The following VSTM4 variants were observed in gnomAD, a reference collection of about 807,000 sequenced individuals.
VSTM4 encodes V-set and transmembrane domain-containing protein 4.
In VSTM4, 20 loss-of-function variants were observed where a neutral mutation model predicts 36.4. That is an observed-to-expected ratio of 0.55 (90% CI 0.39 to 0.80). The LOEUF is 0.80. Ranked by LOEUF, VSTM4 falls within the 30% of genes least tolerant of loss-of-function variation. The pLI, the probability that VSTM4 is intolerant of heterozygous loss-of-function variation, is 0.00. For synonymous variants in VSTM4, 182 were observed against 173.9 expected, an observed-to-expected ratio of 1.05 and a Z score of -0.37; for missense variants, 392 against 404.5, an observed-to-expected ratio of 0.97 and a Z score of 0.26.
intron 5 of VSTM4, among the ~76,000 whole-genome samples, chr10:49,055,740 G>A (rs1033803133): frequency 2.6e-5 from 4 of 152,248 alleles, no homozygotes; most frequent in African/African-American, 9.6e-5. Flanking sequence ...CAAGATGGAT[G>A]AATGGTGCCA....
At position 49,019,410 on chromosome 10, in the gene VSTM4, C is replaced by T. The variant is rs543354598; in HGVS notation, c.*240G>A. 9.2e-5 allele frequency: 33 copies of T among 359,132 alleles called. No homozygotes were observed. Among genetic ancestry groups the T allele is most frequent in the South Asian group, 4.2e-4 (3 of 7,202 alleles). The allele number at this position is 359,132 out of a possible 1,614,324, so 22.2% of individuals were successfully genotyped here. A position where few individuals can be genotyped will look rare whatever the true frequency, so the allele number is the denominator to read the frequency against. Reference sequence around the variant, plus strand: ...GCTGCTCTCAGGATCAGAATCCTTACGCTCAGGGCTCAAACCCAGGCGCAT... The same window carrying T: ...GCTGCTCTCAGGATCAGAATCCTTATGCTCAGGGCTCAAACCCAGGCGCAT... On this transcript the variant is annotated 3_prime_UTR_variant, in exon 8 of 8. Coordinates refer to ENST00000332853, the MANE Select transcript of VSTM4 (RefSeq NM_001031746.5).
chr10:49,108,891 C>T (rs1300844707), intron 1 of VSTM4, among the ~76,000 whole-genome samples: 1 of 152,156 alleles, frequency 6.6e-6, no homozygotes. Context: ...GAGAGGCCGA[C>T]TGCTGAAGTC....
At chr10:49,082,954 C>A (rs1844306578) in intron 3 of VSTM4, among the ~76,000 whole-genome samples, 1 of 152,198 alleles carries the variant, frequency 6.6e-6, no homozygotes, top group African/African-American at 2.4e-5. Context: ...CAGCTCCCGC[C>A]CTCCCAAACA....
At position 49,047,029 on chromosome 10, in the gene VSTM4, G is replaced by A. The variant is rs769295438; in HGVS notation, c.791C>T (p.Thr264Met). ...TTTCAGCAGCTTCGGTTTATGGAAC[G>A]TGGGGGCTATCGGAGCTGTGGAAGT... ...AVPAKAPIAP[T>M]FHKPKLLKPQ... The change falls in exon 7 of 8, where the codon ACG becomes ATG. Residue 264 changes from threonine to methionine, a missense_variant. By Grantham distance (81) the Thr-to-Met change is moderately conservative (BLOSUM62 -1). Coordinates refer to ENST00000332853, the MANE Select transcript of VSTM4 (RefSeq NM_001031746.5). The A allele has an allele frequency of 2.0e-5, 33 of 1,614,056 alleles. No individual in the cohort carries two copies. Among genetic ancestry groups the A allele is most frequent in the Admixed American group, 3.3e-5 (2 of 60,000 alleles).
chr10:49,114,032 G>A (rs963407494), intron 1 of VSTM4, among the ~76,000 whole-genome samples: 5 of 152,142 alleles, frequency 3.3e-5, no homozygotes, highest in African/African-American at 1.2e-4. Context: ...GCAATTAGAA[G>A]GTGGTCATGG....
At chr10:49,106,497 G>A (rs1844785143) in intron 2 of VSTM4, among the ~76,000 whole-genome samples, 1 of 152,236 alleles carries the variant, frequency 6.6e-6, no homozygotes, top group South Asian at 2.1e-4. Flanking sequence ...AGATGTTGCA[G>A]AAATGCTGTC....
At chr10:49,096,134 T>A (rs1564592994) in intron 2 of VSTM4, among the ~76,000 whole-genome samples, 1 of 152,208 alleles carries the variant, frequency 6.6e-6, no homozygotes, top group East Asian at 1.9e-4. Context: ...GTTTAGTAAA[T>A]CTCATTCCTC....
chr10:49,102,658 G>C, intron 2 of VSTM4: 4 of 985,310 alleles, frequency 4.1e-6, no homozygotes, highest in Non-Finnish European at 4.8e-6. Flanking sequence ...AATAGGTCAA[G>C]GGAAAGAGAG....
chr10:49,015,022 A>C lies in VSTM4; in HGVS notation c.*4628T>G, dbSNP rs1024794792. ...AACAGTTTACATCCTTGTCACTCAA[A>C]GTGTGGTTCAGGGACCAGAAGCATG... On this transcript the variant is annotated 3_prime_UTR_variant, in exon 8 of 8. Transcript: ENST00000332853. 2 of 152,214 alleles carry C rather than the reference A, an allele frequency of 1.3e-5. No homozygotes were observed. The highest frequency in any genetic ancestry group is 2.4e-5 in the African/African-American group (1 of 41,402). 9.4% of individuals were successfully genotyped at this position (152,214 alleles called of 1,614,324 possible).
At chr10:49,045,202 T>TTC (rs55748405) in intron 7 of VSTM4, among the ~76,000 whole-genome samples, 87,618 of 148,422 alleles carry the variant, frequency 0.59, 27,443 homozygotes, top group Middle Eastern at 0.74. Flanking sequence ...CAGTCTTTCT[T>TTC]TCTCTCTCTC....
At chr10:49,036,031 G>C (rs914211858) in intron 7 of VSTM4, among the ~76,000 whole-genome samples, 21 of 152,078 alleles carry the variant, frequency 1.4e-4, no homozygotes, top group African/African-American at 4.6e-4. Flanking sequence ...TGGCCTGCAG[G>C]GAAAAGACAG....
intron 2 of VSTM4, 56 bp downstream of exon 2, chr10:49,107,538 G>T: frequency 2.0e-6 from 3 of 1,535,986 alleles, no homozygotes; most frequent in Non-Finnish European, 2.6e-6. Context: ...GCTGCAAAGG[G>T]GGGCCTACTG....
At chr10:49,081,802 A>G (rs1175608394) in intron 3 of VSTM4, among the ~76,000 whole-genome samples, 1 of 152,222 alleles carries the variant, frequency 6.6e-6, no homozygotes, top group Non-Finnish European at 1.5e-5. Context: ...AAGACCGGTC[A>G]TGGCCACTCT....
chr10:49,090,204 T>C (rs1470560835), intron 2 of VSTM4, among the ~76,000 whole-genome samples: 1 of 152,226 alleles, frequency 6.6e-6, no homozygotes, highest in African/African-American at 2.4e-5. Context: ...TCCAATGAGT[T>C]CAGCAATCAG....
intron 7 of VSTM4, among the ~76,000 whole-genome samples, chr10:49,028,888 G>T (rs1005328852): frequency 6.6e-6 from 1 of 152,198 alleles, no homozygotes; most frequent in African/African-American, 2.4e-5. Context: ...TTAAAAATGT[G>T]ACTGCAGCTC....
At chr10:49,091,529 A>G (rs1357573177) in intron 2 of VSTM4, among the ~76,000 whole-genome samples, 1 of 152,042 alleles carries the variant, frequency 6.6e-6, no homozygotes, top group Non-Finnish European at 1.5e-5. Context: ...ACCTGGGGGG[A>G]AACCATCACT....
In VSTM4 at chr10:49,033,593, A is replaced by G. The variant is rs1199575120; in HGVS notation, c.837+13390T>C. Among the ~76,000 whole-genome samples, 3 of 152,128 alleles carry G rather than the reference A, an allele frequency of 2.0e-5. 1 individual carries two copies. The highest frequency in any genetic ancestry group is 4.4e-5 in the Non-Finnish European group (3 of 68,032). On this transcript the variant is annotated intron_variant, in intron 7 of 7. Transcript: ENST00000332853. ...GGTCAAGACATTAAACACCCTGAAA[A>G]CCCAAAGACTCAGACTTTACCAAGT...
chr10:49,090,098 G>A (rs1844445220), intron 2 of VSTM4, among the ~76,000 whole-genome samples: 1 of 152,250 alleles, frequency 6.6e-6, no homozygotes. Flanking sequence ...TAAGGAACAA[G>A]TGGCAAATGT....
chr10:49,073,130 GA>G (rs1316413971), intron 4 of VSTM4, among the ~76,000 whole-genome samples: 5 of 152,118 alleles, frequency 3.3e-5, no homozygotes, highest in Admixed American at 6.5e-5. Flanking sequence ...ATTTCATAGA[GA>G]AAAAAAGTTA....
Sources: gnomAD v4.1 joint callset for allele counts (sites outside exome capture counted in the v4.1 genomes callset) on GRCh38, gnomAD v4.1.1 for gene constraint, MANE v1.5 for transcripts, NCBI Gene and HGNC (gene_info 2026-07-23, HGNC 2026-07-21) for gene names.